Variants in CNTN5 observed in about 807,000 individuals in gnomAD.
The protein encoded by CNTN5 is contactin 5, also known as contactin-5.
In CNTN5, 77 loss-of-function variants were observed where a neutral mutation model predicts 129.1. The observed-to-expected ratio is 0.60, with a 90% CI of 0.50 to 0.72. The LOEUF (loss-of-function observed/expected upper bound fraction) is 0.72. Among genes scored for constraint, CNTN5 ranks in the 30% least tolerant of loss-of-function variants. CNTN5 has a pLI of 0.00. For synonymous variants in CNTN5, 509 were observed against 465.6 expected, an observed-to-expected ratio of 1.09 and a Z score of -1.20; for missense variants, 1,478 against 1,328.8, an observed-to-expected ratio of 1.11 and a Z score of -1.75.
At chr11:100,255,674 G>A in intron 16 of CNTN5, 86 bp from the exon 17 acceptor site, 1 of 1,144,848 alleles carries the variant, frequency 8.7e-7, no homozygotes, top group Non-Finnish European at 1.3e-6. Flanking sequence ...TTACATAGTT[G>A]GATGTGCTAC....
intron 8 of CNTN5, among the ~76,000 whole-genome samples, chr11:99,961,840 G>A (rs1366114214): frequency 2.0e-5 from 3 of 152,096 alleles, no homozygotes; most frequent in African/African-American, 7.2e-5. Flanking sequence ...CACCAAAGCA[G>A]AGCCTGGTCA....
chr11:99,511,104 T>C (rs1946819052), intron 2 of CNTN5, among the ~76,000 whole-genome samples: 1 of 152,148 alleles, frequency 6.6e-6, no homozygotes, highest in South Asian at 2.1e-4. Context: ...AAAAATCTTA[T>C]AGAAAAGAAC....
chr11:100,224,298 A>G (rs541442446), intron 15 of CNTN5, among the ~76,000 whole-genome samples: 1 of 152,286 alleles, frequency 6.6e-6, no homozygotes, highest in South Asian at 2.1e-4. Flanking sequence ...ATCTTTTCAC[A>G]ATTCATTTCC....
chr11:99,393,133 CAAAAG>C (rs1405320799), intron 2 of CNTN5, among the ~76,000 whole-genome samples: 4 of 151,622 alleles, frequency 2.6e-5, no homozygotes, highest in Admixed American at 2.6e-4. Context: ...GGCTAAATGT[CAAAAG>C]AAGGGCAGAA....
At chr11:99,861,027 C>T (rs1054303160) in intron 6 of CNTN5, among the ~76,000 whole-genome samples, 3 of 133,062 alleles carry the variant, frequency 2.3e-5, no homozygotes, top group Non-Finnish European at 4.6e-5. Context: ...GCAATCTCAT[C>T]TCACTGCAAA....
At chr11:100,212,911 G>A (rs2138591869) in intron 15 of CNTN5, among the ~76,000 whole-genome samples, 1 of 152,098 alleles carries the variant, frequency 6.6e-6, no homozygotes, top group African/African-American at 2.4e-5. Context: ...CTTAATCTTG[G>A]AAGATGTTTC....
At chr11:99,174,504 T>C (rs958952390) in intron 1 of CNTN5, among the ~76,000 whole-genome samples, 1 of 152,226 alleles carries the variant, frequency 6.6e-6, no homozygotes, top group Non-Finnish European at 1.5e-5. Flanking sequence ...CTGGTCAAGC[T>C]ATCCGAATTT....
At chr11:99,116,823 T>C (rs1858068013) in intron 1 of CNTN5, among the ~76,000 whole-genome samples, 1 of 152,190 alleles carries the variant, frequency 6.6e-6, no homozygotes, top group African/African-American at 2.4e-5. Flanking sequence ...ATCAGAACTC[T>C]CATTTGGATC....
intron 3 of CNTN5, among the ~76,000 whole-genome samples, chr11:99,581,567 A>C (rs1385018444): frequency 6.6e-6 from 1 of 151,800 alleles, no homozygotes; most frequent in Non-Finnish European, 1.5e-5. Flanking sequence ...TGTTGAATTG[A>C]TCCCTTTACC....
intron 9 of CNTN5, among the ~76,000 whole-genome samples, chr11:100,057,591 C>T (rs1290508748): frequency 1.3e-5 from 2 of 151,820 alleles, no homozygotes; most frequent in South Asian, 4.1e-4. Flanking sequence ...CAAAATTCCA[C>T]TGCCCTAAAG....
intron 3 of CNTN5, among the ~76,000 whole-genome samples, chr11:99,658,709 TAA>T (rs370531678): frequency 0.32 from 44,757 of 140,552 alleles, 7,961 homozygotes; most frequent in Non-Finnish European, 0.42. Flanking sequence ...CTGTCTCTAC[TAA>T]AAAAAAAATA....
At chr11:99,092,553 C>G (rs1866295711) in intron 1 of CNTN5, among the ~76,000 whole-genome samples, 2 of 151,840 alleles carry the variant, frequency 1.3e-5, no homozygotes. Context: ...TAAAAGAAAG[C>G]TCAATGAATA....
chr11:99,462,491 A>G (rs1174980865), intron 2 of CNTN5, among the ~76,000 whole-genome samples: 1 of 152,042 alleles, frequency 6.6e-6, no homozygotes, highest in Non-Finnish European at 1.5e-5. Flanking sequence ...TATTAGCTCA[A>G]CAGGTGTTCA....
At chr11:99,710,566 CAT>C (rs796098820) in intron 3 of CNTN5, among the ~76,000 whole-genome samples, 73 of 78,210 alleles carry the variant, frequency 9.3e-4, no homozygotes, top group African/African-American at 3.0e-3. Context: ...TGTGTGTGTG[CAT>C]GTGTGTGTGT....
chr11:99,690,900 T>G (rs575228879), intron 3 of CNTN5, among the ~76,000 whole-genome samples: 1 of 152,256 alleles, frequency 6.6e-6, no homozygotes, highest in African/African-American at 2.4e-5. Flanking sequence ...GGGATTTTTT[T>G]GGTTGGTAGG....
At chr11:100,304,258 G>GA (rs545860143) in intron 20 of CNTN5, among the ~76,000 whole-genome samples, 73 of 149,506 alleles carry the variant, frequency 4.9e-4, no homozygotes, top group Non-Finnish European at 6.4e-4. Context: ...ACAAGTAACA[G>GA]AAAAAAAAAG....
At chr11:99,629,703 CTGA>C (rs1447931743) in intron 3 of CNTN5, among the ~76,000 whole-genome samples, 1 of 151,630 alleles carries the variant, frequency 6.6e-6, no homozygotes, top group Non-Finnish European at 1.5e-5. Context: ...TGTAAATATT[CTGA>C]TGACACAATT....
intron 1 of CNTN5, among the ~76,000 whole-genome samples, chr11:99,212,844 A>G (rs530221800): frequency 8.5e-5 from 13 of 152,256 alleles, no homozygotes; most frequent in Admixed American, 7.2e-4. Context: ...AACCTTATAA[A>G]TGAAGCCCCA....
At chr11:99,434,552 C>T (rs1943526826) in intron 2 of CNTN5, among the ~76,000 whole-genome samples, 1 of 152,128 alleles carries the variant, frequency 6.6e-6, no homozygotes, top group South Asian at 2.1e-4. Context: ...ATCCAATTTT[C>T]TCACAACTTT....
Sources: gnomAD v4.1 joint callset for allele counts (sites outside exome capture counted in the v4.1 genomes callset) on GRCh38, gnomAD v4.1.1 for gene constraint, MANE v1.5 for transcripts, NCBI Gene and HGNC (gene_info 2026-07-23, HGNC 2026-07-21) for gene names.